RPS6KA2: variants seen among roughly 807,000 people sequenced by gnomAD.
RPS6KA2 encodes the protein ribosomal protein S6 kinase A2.
A neutral mutation model predicts 91.8 loss-of-function variants in RPS6KA2; 42 were observed. That is an observed-to-expected ratio of 0.46 (90% confidence interval 0.36 to 0.59). The LOEUF (loss-of-function observed/expected upper bound fraction) is 0.59, where lower values mean the gene tolerates loss of function less well. Among genes scored for constraint, RPS6KA2 ranks in the 20% least tolerant of loss-of-function variants. The pLI, the probability that RPS6KA2 is intolerant of heterozygous loss-of-function variation, is 0.00. For missense variants in RPS6KA2, 798 were observed against 978.5 expected, an observed-to-expected ratio of 0.82 and a Z score of 2.46; for synonymous variants, 414 against 393.6, an observed-to-expected ratio of 1.05 and a Z score of -0.61.
In RPS6KA2 at chr6:166,493,589, C is replaced by T. The variant is rs960960187; in HGVS notation, c.748-2848G>A. On this transcript the variant is annotated intron_variant, in intron 8 of 20. Transcript: ENST00000265678. The surrounding 1 kb of genome is among the most constrained non-coding windows in gnomAD (Gnocchi z 4.7). ...GCACTCCAAAGGATTCTTTCCCAAT[C>T]GGCACCGAGACCAGGCTGCAGACAG... 6.6e-6 allele frequency among the ~76,000 whole-genome samples: 1 copy of T among 151,942 alleles called. No homozygotes were observed. Among genetic ancestry groups the T allele is most frequent in the South Asian group, 2.1e-4 (1 of 4,780 alleles).
At chr6:166,619,047 G>A (rs756418914) in intron 1 of RPS6KA2, among the ~76,000 whole-genome samples, 4 of 152,048 alleles carry the variant, frequency 2.6e-5, no homozygotes, top group Non-Finnish European at 4.4e-5. Flanking sequence ...GGCTCCCATC[G>A]ATGCCATCAG....
intron 16 of RPS6KA2, among the ~76,000 whole-genome samples, chr6:166,427,083 T>C (rs1328054473): frequency 2.6e-5 from 4 of 152,026 alleles, no homozygotes; most frequent in African/African-American, 4.8e-5. Context: ...TCCAGCAGCA[T>C]ATCAAAAAGC....
At chr6:166,736,018 T>C (rs1790661749) in intron 2 of RPS6KA2, among the ~76,000 whole-genome samples, 1 of 152,226 alleles carries the variant, frequency 6.6e-6, no homozygotes, top group African/African-American at 2.4e-5. Context: ...AAGACCATGG[T>C]AAAATTTCTG....
At chr6:166,415,972 C>T (rs541435966) in intron 19 of RPS6KA2, among the ~76,000 whole-genome samples, 1 of 146,802 alleles carries the variant, frequency 6.8e-6, no homozygotes, top group South Asian at 2.2e-4. Flanking sequence ...TCATCTTCAC[C>T]ATCTCCACCA....
intron 2 of RPS6KA2, among the ~76,000 whole-genome samples, chr6:166,735,751 T>C (rs1583061308): frequency 6.6e-6 from 1 of 152,210 alleles, no homozygotes; most frequent in Admixed American, 6.5e-5. Context: ...ATGCAACTGA[T>C]GGGAAGCAGC....
intron 2 of RPS6KA2, among the ~76,000 whole-genome samples, chr6:166,634,696 C>T (rs1787180713): frequency 6.6e-6 from 1 of 152,206 alleles, no homozygotes; most frequent in Non-Finnish European, 1.5e-5. Flanking sequence ...GTGAACTCAG[C>T]TCACTGCAAC....
intron 2 of RPS6KA2, among the ~76,000 whole-genome samples, chr6:166,772,726 C>T (rs368345608): frequency 5.9e-5 from 9 of 152,318 alleles, no homozygotes; most frequent in African/African-American, 2.2e-4. Context: ...CTACTAAGCC[C>T]GGCTGTCGGG....
intron 2 of RPS6KA2, among the ~76,000 whole-genome samples, chr6:166,783,842 A>ACGCG (rs1459978371): frequency 4.8e-5 from 3 of 62,596 alleles, no homozygotes; most frequent in Non-Finnish European, 1.1e-4. Context: ...GTGCACACCT[A>ACGCG]TCTATACCAC....
At chr6:166,798,688 C>T (rs187403346) in intron 2 of RPS6KA2, among the ~76,000 whole-genome samples, 65 of 130,440 alleles carry the variant, frequency 5.0e-4, no homozygotes, top group African/African-American at 1.5e-3. Flanking sequence ...TCATTTCCAG[C>T]TCGTCAGCTC....
intron 2 of RPS6KA2, among the ~76,000 whole-genome samples, chr6:166,780,243 T>C (rs1250821898): frequency 1.3e-5 from 2 of 152,236 alleles, no homozygotes; most frequent in African/African-American, 2.4e-5. Flanking sequence ...GAAAGGGCCA[T>C]TGCAGCTGGG....
chr6:166,507,813 G>A (rs775607187), intron 5 of RPS6KA2, among the ~76,000 whole-genome samples: 2 of 146,708 alleles, frequency 1.4e-5, no homozygotes, highest in Non-Finnish European at 3.0e-5. Context: ...CATGACACAT[G>A]CACACCCCAC....
chr6:166,431,460 A>G (rs1270221808), intron 15 of RPS6KA2, among the ~76,000 whole-genome samples: 1 of 152,238 alleles, frequency 6.6e-6, no homozygotes, highest in Non-Finnish European at 1.5e-5. Flanking sequence ...CTGAGTGGCC[A>G]GGCGCTGGGA....
rs549897061 is a variant in RPS6KA2 at position 166,737,850 on chromosome 6, T to C, written c.123+120350A>G. On this transcript the variant is annotated intron_variant, in intron 2 of 21. Coordinates refer to the RPS6KA2 transcript ENST00000503859. The surrounding 1 kb of genome is among the most constrained non-coding windows in gnomAD (Gnocchi z 4.3). ...TAAATCTGTATTAGTTATTTTCTCA[T>C]AAACAGAAATAACTTTGATTATGAA... 1.5e-4 allele frequency among the ~76,000 whole-genome samples: 23 copies of C among 152,356 alleles called. 1 individual carries two copies. The East Asian group carries it at 3.1e-3, about 20-fold the overall frequency.
chr6:166,519,726 GC>G (rs1430275029), intron 3 of RPS6KA2, among the ~76,000 whole-genome samples: 1 of 152,150 alleles, frequency 6.6e-6, no homozygotes, highest in Non-Finnish European at 1.5e-5. Flanking sequence ...TATATGATAT[GC>G]AACTAGAGCT....
At chr6:166,425,589 T>C (rs1358436732) in intron 16 of RPS6KA2, among the ~76,000 whole-genome samples, 5 of 151,510 alleles carry the variant, frequency 3.3e-5, no homozygotes, top group South Asian at 4.2e-4. Flanking sequence ...AGGCTCAAAA[T>C]AAAAGGATGG....
rs536313503 is a variant in RPS6KA2 at position 166,626,016 on chromosome 6, A to G, written c.99+905T>C. ...TTGTTCCAGCTGAAACAAACCAACCAAAACCCCACAGGTGCCAGCCTTGAG... is the reference window on the plus strand; with the variant it reads ...TTGTTCCAGCTGAAACAAACCAACCGAAACCCCACAGGTGCCAGCCTTGAG... On this transcript the variant is annotated intron_variant, in intron 1 of 20. Transcript: ENST00000265678. This position sits in a 1 kb window ranked among gnomAD's most constrained non-coding sequence, Gnocchi z 4.1. Among the ~76,000 whole-genome samples the G allele has an allele frequency of 9.8e-5, 15 of 152,366 alleles. No individual in the cohort carries two copies. The highest frequency in any genetic ancestry group is 6.8e-3 in the Middle Eastern group (2 of 294).
intron 1 of RPS6KA2, among the ~76,000 whole-genome samples, chr6:166,610,589 C>T (rs1319166778): frequency 3.3e-5 from 5 of 152,292 alleles, no homozygotes; most frequent in South Asian, 2.1e-4. Flanking sequence ...ACCCAGGGCC[C>T]CTCAGGAGTC....
At chr6:166,530,491 G>A (rs530288993) in intron 3 of RPS6KA2, among the ~76,000 whole-genome samples, 5 of 152,334 alleles carry the variant, frequency 3.3e-5, no homozygotes, top group East Asian at 1.9e-4. Flanking sequence ...TGTGTGGCAC[G>A]GGGTGCCCTC....
At chr6:166,682,217 T>C (rs539589836) in intron 2 of RPS6KA2, among the ~76,000 whole-genome samples, 222 of 152,354 alleles carry the variant, frequency 1.5e-3, no homozygotes, top group African/African-American at 5.1e-3. Flanking sequence ...CATTAATGAA[T>C]TGAGGAACAT....
Sources: allele counts gnomAD v4.1 joint callset (sites outside exome capture counted in the v4.1 genomes callset), GRCh38; gene constraint gnomAD v4.1.1; non-coding constraint Gnocchi (gnomAD v3.1); transcripts MANE v1.5; gene names NCBI Gene and HGNC (gene_info 2026-07-23, HGNC 2026-07-21).